CSMD1: variants seen among roughly 807,000 people sequenced by gnomAD.
The protein encoded by CSMD1 is CUB and Sushi multiple domains 1, also known as CUB and sushi domain-containing protein 1.
In CSMD1, 213 loss-of-function variants were observed where a neutral mutation model predicts 417.5. The observed-to-expected ratio is 0.51, with a 90% CI of 0.46 to 0.57. The LOEUF (loss-of-function observed/expected upper bound fraction) is 0.57. Ranked by LOEUF, CSMD1 falls within the 20% of genes least tolerant of loss-of-function variation. CSMD1 has a pLI of 0.00. For missense variants in CSMD1, 6,923 were observed against 4,529.7 expected (o/e 1.53, Z -15.17); for synonymous variants, 2,862 against 1,736.8 (o/e 1.65, Z -16.11).
rs115443248 is a variant in CSMD1, at chr8:4,568,872, T to G, written c.302+68470A>C. Among the ~76,000 whole-genome samples the G allele has an allele frequency of 2.6e-3, 392 of 152,372 alleles. 3 individuals carry two copies. The highest frequency in any genetic ancestry group is 8.8e-3 in the African/African-American group (367 of 41,588). On this transcript the variant is annotated intron_variant, in intron 2 of 69. Coordinates refer to ENST00000635120, the MANE Select transcript of CSMD1 (RefSeq NM_033225.6). ...TGATTTGCATTTCTCTAATGACTAGTGATGATGATCCTTTTTTTCATATGT... is the reference window on the plus strand; with the variant it reads ...TGATTTGCATTTCTCTAATGACTAGGGATGATGATCCTTTTTTTCATATGT...
intron 3 of CSMD1, among the ~76,000 whole-genome samples, chr8:4,042,414 G>T (rs895527964): frequency 1.3e-5 from 2 of 151,998 alleles, no homozygotes; most frequent in Non-Finnish European, 2.9e-5. Context: ...TAACGAATAA[G>T]CAAAACAACC....
At chr8:3,679,780 T>A (rs1422685259) in intron 7 of CSMD1, among the ~76,000 whole-genome samples, 1 of 152,176 alleles carries the variant, frequency 6.6e-6, no homozygotes, top group Non-Finnish European at 1.5e-5. Context: ...ACCACATAGT[T>A]GGAAGTAAAG....
chr8:4,651,469 G>A (rs2617035), intron 1 of CSMD1, among the ~76,000 whole-genome samples: 6 of 151,816 alleles, frequency 4.0e-5, no homozygotes, highest in Non-Finnish European at 8.8e-5. Context: ...ATATACTGGT[G>A]GGGGGAGGAA....
At chr8:3,483,537 C>T (rs1817859103) in intron 11 of CSMD1, among the ~76,000 whole-genome samples, 1 of 151,984 alleles carries the variant, frequency 6.6e-6, no homozygotes, top group Non-Finnish European at 1.5e-5. Context: ...ATAGAAAATT[C>T]TACTAATTTA....
chr8:4,263,864 G>C (rs900311504), intron 3 of CSMD1, among the ~76,000 whole-genome samples: 10 of 152,070 alleles, frequency 6.6e-5, no homozygotes, highest in African/African-American at 2.4e-4. Context: ...ACTTATTTGT[G>C]TTTTGACCAG....
intron 5 of CSMD1, among the ~76,000 whole-genome samples, chr8:3,813,425 G>T (rs907809464): frequency 5.9e-5 from 9 of 152,046 alleles, no homozygotes; most frequent in Non-Finnish European, 1.3e-4. Flanking sequence ...GCCTGTAAAA[G>T]AACTATTTTA....
intron 7 of CSMD1, among the ~76,000 whole-genome samples, chr8:3,698,571 G>C (rs1362391786): frequency 6.6e-6 from 1 of 152,166 alleles, no homozygotes; most frequent in Non-Finnish European, 1.5e-5. Flanking sequence ...AAATCACTCT[G>C]GCCTACTACC....
At chr8:4,697,120 C>T (rs770321770) in intron 1 of CSMD1, among the ~76,000 whole-genome samples, 50 of 151,994 alleles carry the variant, frequency 3.3e-4, no homozygotes, top group African/African-American at 1.1e-3. Context: ...TGCAGTGAGC[C>T]GAGATCGCGC....
chr8:4,056,338 C>T (rs981400516), intron 3 of CSMD1, among the ~76,000 whole-genome samples: 1 of 151,608 alleles, frequency 6.6e-6, no homozygotes, highest in Non-Finnish European at 1.5e-5. Context: ...CCGCGTCAGC[C>T]TCCCAAAGTG....
At chr8:4,615,700 C>A (rs73659170) in intron 2 of CSMD1, among the ~76,000 whole-genome samples, 1 of 152,002 alleles carries the variant, frequency 6.6e-6, no homozygotes, top group Non-Finnish European at 1.5e-5. Context: ...ATAAACTGTT[C>A]TGTTAATTTT....
In CSMD1 at chr8:3,425,994, T is replaced by A. The variant is rs546042983; in HGVS notation, c.1562-16389A>T. Among the ~76,000 whole-genome samples, 3 of 152,272 alleles carry A rather than the reference T, an allele frequency of 2.0e-5. No homozygotes were observed. The East Asian group carries it at 5.8e-4, about 29-fold the overall frequency. ...AATGTGTCTCTGTGAACAAAAAAGCTGGGTCTATGTAGAATCAGAAAGAAT... is the reference window on the plus strand; with the variant it reads ...AATGTGTCTCTGTGAACAAAAAAGCAGGGTCTATGTAGAATCAGAAAGAAT... On this transcript the variant is annotated intron_variant, in intron 12 of 69. Transcript: ENST00000635120.
intron 3 of CSMD1, among the ~76,000 whole-genome samples, chr8:4,357,572 C>G (rs181534544): frequency 1.1e-3 from 163 of 152,248 alleles, no homozygotes; most frequent in African/African-American, 3.7e-3. Context: ...CTGTCATTCT[C>G]CATGGTCTGC....
At chr8:3,819,880 C>G (rs1205917418) in intron 5 of CSMD1, among the ~76,000 whole-genome samples, 2 of 152,148 alleles carry the variant, frequency 1.3e-5, no homozygotes, top group African/African-American at 2.4e-5. Flanking sequence ...CTAAATCAAG[C>G]AGGGATCCAG....
chr8:3,741,533 A>G (rs1352011470), intron 6 of CSMD1, among the ~76,000 whole-genome samples: 5 of 152,212 alleles, frequency 3.3e-5, no homozygotes, highest in Non-Finnish European at 7.3e-5. Context: ...TTTAGTAGGC[A>G]CATTTATTTC....
intron 65 of CSMD1, among the ~76,000 whole-genome samples, chr8:2,951,986 G>A (rs894252309): frequency 6.6e-6 from 1 of 152,046 alleles, no homozygotes; most frequent in Admixed American, 6.6e-5. Flanking sequence ...AGAATCCATC[G>A]ACAGGAAAAC....
At chr8:4,486,122 C>CATATATATATATATACATACAT (rs1326797564) in intron 2 of CSMD1, among the ~76,000 whole-genome samples, 4 of 126,958 alleles carry the variant, frequency 3.2e-5, no homozygotes, top group Non-Finnish European at 1.6e-5. Flanking sequence ...TATATACATA[C>CATATATATATATATACATACAT]ATATATATAT....
rs146923847 is a variant in CSMD1, at chr8:3,097,553, T to A, written c.6950-516A>T. ...CTACGTCGTTTCTGGTGCAATCACA[T>A]CATACAGGGCAATGGATATACTGGA... On this transcript the variant is annotated intron_variant, in intron 46 of 69. Transcript: ENST00000635120. Among the ~76,000 whole-genome samples the A allele has an allele frequency of 2.0e-5, 3 of 152,300 alleles. No individual in the cohort carries two copies. The East Asian group carries it at 5.8e-4, about 29-fold the overall frequency.
chr8:4,718,655 T>G lies in CSMD1; in HGVS notation c.86-81097A>C, dbSNP rs184859845. ...CTGGAAAACCAAATAAAATCAATTTTTAAAAAATCTATTTTAAACTAAGAA... is the reference window on the plus strand; with the variant it reads ...CTGGAAAACCAAATAAAATCAATTTGTAAAAAATCTATTTTAAACTAAGAA... On this transcript the variant is annotated intron_variant, in intron 1 of 69. Transcript: ENST00000635120. Among the ~76,000 whole-genome samples the G allele has an allele frequency of 3.5e-3, 528 of 152,208 alleles. 2 individuals are homozygous for G. The highest frequency in any genetic ancestry group is 0.012 in the African/African-American group (504 of 41,574).
chr8:4,468,023 C>G (rs527897757), intron 2 of CSMD1, among the ~76,000 whole-genome samples: 226 of 151,934 alleles, frequency 1.5e-3, no homozygotes, highest in African/African-American at 4.9e-3. Context: ...AACCCCATCT[C>G]TCACATGGGT....
Sources: allele counts gnomAD v4.1 joint callset (sites outside exome capture counted in the v4.1 genomes callset), GRCh38; gene constraint gnomAD v4.1.1; transcripts MANE v1.5; gene names NCBI Gene and HGNC (gene_info 2026-07-23, HGNC 2026-07-21).